TCF12: variants seen among roughly 807,000 people sequenced by gnomAD.
The protein encoded by TCF12 is transcription factor 12.
A neutral mutation model predicts 86.0 loss-of-function variants in TCF12; 45 were observed. The observed-to-expected ratio is 0.52, with a 90% CI of 0.41 to 0.67. The LOEUF is 0.67. TCF12 is among the 30% of genes least tolerant of loss of function. The probability of loss-of-function intolerance (pLI) is 0.00; values close to 1 mark genes in which losing one functional copy is unlikely to be tolerated. For missense variants in TCF12, 881 were observed against 859.9 expected, an observed-to-expected ratio of 1.02 and a Z score of -0.31; for synonymous variants, 330 against 299.6, an observed-to-expected ratio of 1.10 and a Z score of -1.05.
intron 20 of TCF12, among the ~76,000 whole-genome samples, chr15:57,283,500 G>A (rs2061791350): frequency 6.6e-6 from 1 of 152,074 alleles, no homozygotes; most frequent in African/African-American, 2.4e-5. Flanking sequence ...CCTAACCTCA[G>A]GTGATCCACC....
At chr15:56,967,305 GA>G (rs574203841) in intron 3 of TCF12, among the ~76,000 whole-genome samples, 6,206 of 142,974 alleles carry the variant, frequency 0.043, 363 homozygotes, top group Admixed American at 0.17. Context: ...TAAATACAAA[GA>G]AAAAAAAAAA....
chr15:57,025,717 C>G (rs1483600796), intron 3 of TCF12, among the ~76,000 whole-genome samples: 2 of 152,080 alleles, frequency 1.3e-5, no homozygotes, highest in Non-Finnish European at 2.9e-5. Context: ...AAAAGTAATT[C>G]ATGTACATCA....
intron 6 of TCF12, among the ~76,000 whole-genome samples, chr15:57,173,694 T>A (rs2055693764): frequency 6.6e-6 from 1 of 151,666 alleles, no homozygotes; most frequent in Non-Finnish European, 1.5e-5. Flanking sequence ...AAAATCTGAA[T>A]CCATGTATAT....
chr15:57,118,465 T>A (rs2050996138), intron 5 of TCF12: 1 of 152,218 alleles, frequency 6.6e-6, no homozygotes, highest in Non-Finnish European at 1.5e-5. Context: ...TATCTTTTTT[T>A]TTCTTTTTTT....
chr15:57,195,620 T>A (rs1278457028), intron 7 of TCF12, among the ~76,000 whole-genome samples: 2 of 152,346 alleles, frequency 1.3e-5, no homozygotes, highest in East Asian at 1.9e-4. Context: ...TGTGTACAGT[T>A]TTCTTCATAT....
chr15:57,038,979 A>C (rs2066705259), intron 3 of TCF12, among the ~76,000 whole-genome samples: 1 of 152,190 alleles, frequency 6.6e-6, no homozygotes, highest in Non-Finnish European at 1.5e-5. Flanking sequence ...ATGAGGAAAA[A>C]TGAAAAGGTA....
chr15:56,972,891 A>G (rs1252002195), intron 3 of TCF12, among the ~76,000 whole-genome samples: 3 of 152,202 alleles, frequency 2.0e-5, no homozygotes, highest in Non-Finnish European at 2.9e-5. Context: ...TGTTTGGACT[A>G]TATAGCTTCA....
In TCF12 at chr15:57,219,720, C is replaced by CTT. The variant is rs11395092; in HGVS notation, c.580-11415_580-11414dup. 13,056 of 294,224 alleles carry CTT rather than the reference C, an allele frequency of 0.044. 104 individuals are homozygous for CTT. Among genetic ancestry groups the CTT allele is most frequent in the Non-Finnish European group, 0.054 (9,106 of 169,490 alleles). The allele number at this position is 294,224 out of a possible 1,614,324, so 18.2% of individuals were successfully genotyped here. On this transcript the variant is annotated intron_variant, in intron 8 of 20. Transcript: ENST00000333725. ...ATGCAATGTATTAGATTGTAGATTTCTTTTTTTTTTTTTTTTTTGCGGGGG... is the reference window on the plus strand; with the variant it reads ...ATGCAATGTATTAGATTGTAGATTTCTTTTTTTTTTTTTTTTTTTTGCGGGGG...
At chr15:56,980,837 T>C (rs2062855138) in intron 3 of TCF12, among the ~76,000 whole-genome samples, 1 of 152,208 alleles carries the variant, frequency 6.6e-6, no homozygotes, top group Admixed American at 6.5e-5. Context: ...TCCGTGAAGA[T>C]AGATATTATT....
chr15:57,262,335 C>A (rs1454952640), intron 17 of TCF12, 127 bp downstream of exon 17: 4 of 725,576 alleles, frequency 5.5e-6, no homozygotes, highest in African/African-American at 1.8e-5. Flanking sequence ...TTCCAAATAG[C>A]GTGGAGAGCA....
chr15:57,067,117 T>C (rs1281103694), intron 4 of TCF12, among the ~76,000 whole-genome samples: 1 of 152,234 alleles, frequency 6.6e-6, no homozygotes, highest in Non-Finnish European at 1.5e-5. Context: ...CCCTTGCTTT[T>C]ACCAAATCCA....
At chr15:57,038,151 A>G (rs969513428) in intron 3 of TCF12, among the ~76,000 whole-genome samples, 1 of 152,120 alleles carries the variant, frequency 6.6e-6, no homozygotes, top group Non-Finnish European at 1.5e-5. Flanking sequence ...AATAATAGAA[A>G]AGTGTGGGGC....
chr15:56,968,287 C>T (rs1340545684), intron 3 of TCF12, among the ~76,000 whole-genome samples: 2 of 151,702 alleles, frequency 1.3e-5, no homozygotes, highest in African/African-American at 2.4e-5. Flanking sequence ...TGTTTTGTGG[C>T]TTGTGTTTCA....
chr15:57,132,505 A>G (rs1208479622), intron 5 of TCF12, among the ~76,000 whole-genome samples: 4 of 152,170 alleles, frequency 2.6e-5, no homozygotes, highest in African/African-American at 9.7e-5. Flanking sequence ...TACGTGTGTT[A>G]CACTGGTTTC....
At position 57,252,430 on chromosome 15, in the gene TCF12, G is replaced by A. The variant is rs773678509; in HGVS notation, c.1198G>A (p.Val400Ile). The change falls in exon 15 of 21, where the codon GTT becomes ATT. Residue 400 changes from valine (V) to isoleucine (I), a missense_variant. This residue lies in a region of TCF12 where 766 missense variants were observed against 718.9 expected (regional missense o/e 1.07). Coordinates refer to ENST00000333725, the MANE Select transcript of TCF12 (RefSeq NM_207037.2). ...ENSLHSLKNR[V>I]EQQLHEHLQD... ...GTCTTGACTTTGCCAGAAAAATCGA[G>A]TTGAGCAGCAACTTCACGAGCATTT... 13 of 1,613,906 alleles carry A rather than the reference G, an allele frequency of 8.1e-6. No individual in the cohort carries two copies. Among genetic ancestry groups the A allele is most frequent in the Non-Finnish European group, 1.1e-5 (13 of 1,179,878 alleles).
intron 5 of TCF12, among the ~76,000 whole-genome samples, chr15:57,098,079 G>A (rs1397233903): frequency 6.6e-6 from 1 of 151,334 alleles, no homozygotes; most frequent in East Asian, 1.9e-4. Flanking sequence ...CAGCTGTGTG[G>A]GAGGCTGAGG....
chr15:57,043,935 A>G (rs1473570667), intron 3 of TCF12, among the ~76,000 whole-genome samples: 2 of 152,112 alleles, frequency 1.3e-5, no homozygotes, highest in African/African-American at 4.8e-5. Context: ...TAAAGTTACC[A>G]TATTAAACTT....
intron 3 of TCF12, among the ~76,000 whole-genome samples, chr15:56,924,868 A>G (rs1301198721): frequency 6.6e-6 from 1 of 152,328 alleles, no homozygotes; most frequent in South Asian, 2.1e-4. Context: ...GATTACAACC[A>G]TGAGTATTGT....
chr15:57,060,464 C>G (rs953168978), intron 3 of TCF12, among the ~76,000 whole-genome samples: 8 of 152,182 alleles, frequency 5.3e-5, no homozygotes, highest in Admixed American at 3.3e-4. Context: ...TTATTGATCA[C>G]CCCTTTTAAT....
Sources: allele counts gnomAD v4.1 joint callset (sites outside exome capture counted in the v4.1 genomes callset), GRCh38; gene constraint gnomAD v4.1.1; regional missense constraint gnomAD v4.1.1; transcripts MANE v1.5; gene names NCBI Gene and HGNC (gene_info 2026-07-23, HGNC 2026-07-21).